CDK14: variants seen among roughly 807,000 people sequenced by gnomAD.
The protein encoded by CDK14 is cyclin-dependent kinase 14.
CDK14 carries 34 observed loss-of-function variants against 60.7 expected under a neutral mutation model. That is an observed-to-expected ratio of 0.56 (90% CI 0.43 to 0.75). The LOEUF (loss-of-function observed/expected upper bound fraction) is 0.75. Among genes scored for constraint, CDK14 ranks in the 30% least tolerant of loss-of-function variants. CDK14 has a pLI of 0.00. For missense variants in CDK14, 482 were observed against 564.1 expected, an observed-to-expected ratio of 0.85 and a Z score of 1.47; for synonymous variants, 197 against 203.7, an observed-to-expected ratio of 0.97 and a Z score of 0.28.
chr7:90,633,086 A>G (rs937535545), intron 2 of CDK14, among the ~76,000 whole-genome samples: 3 of 89,226 alleles, frequency 3.4e-5, no homozygotes, highest in Non-Finnish European at 6.4e-5. Flanking sequence ...ACAAAGCGAG[A>G]TTCTGTCTCA....
intron 5 of CDK14, among the ~76,000 whole-genome samples, chr7:90,803,343 A>G (rs1450503432): frequency 6.6e-6 from 1 of 152,180 alleles, no homozygotes; most frequent in East Asian, 1.9e-4. Context: ...TTAGAGAGAC[A>G]AAAAGGCACC....
chr7:90,988,065 A>T (rs989937175), intron 10 of CDK14, among the ~76,000 whole-genome samples: 1 of 152,152 alleles, frequency 6.6e-6, no homozygotes, highest in African/African-American at 2.4e-5. Flanking sequence ...GCTCCCACAC[A>T]CTGAGTCTTT....
intron 8 of CDK14, among the ~76,000 whole-genome samples, chr7:90,939,248 G>T (rs1357478012): frequency 1.3e-5 from 2 of 152,206 alleles, no homozygotes; most frequent in African/African-American, 4.8e-5. Context: ...GGACTGACAA[G>T]ATGGGAATAT....
intron 10 of CDK14, among the ~76,000 whole-genome samples, chr7:91,032,580 A>G (rs1056864788): frequency 4.6e-5 from 7 of 152,308 alleles, no homozygotes; most frequent in Non-Finnish European, 1.0e-4. Context: ...AAGCAGTGTG[A>G]AGAGGGAGGC....
chr7:90,769,557 C>G (rs757377828), intron 4 of CDK14, among the ~76,000 whole-genome samples: 23 of 151,586 alleles, frequency 1.5e-4, no homozygotes, highest in Non-Finnish European at 1.0e-4. Flanking sequence ...ACCTCCGCCT[C>G]CTGGGTTTAA....
intron 7 of CDK14, among the ~76,000 whole-genome samples, chr7:90,899,755 C>T (rs1413274776): frequency 6.6e-6 from 1 of 152,054 alleles, no homozygotes; most frequent in Non-Finnish European, 1.5e-5. Flanking sequence ...GTTCACAGTG[C>T]ATGTCTTTTT....
intron 14 of CDK14, among the ~76,000 whole-genome samples, chr7:91,145,509 C>T (rs1800598626): frequency 6.6e-6 from 1 of 152,204 alleles, no homozygotes; most frequent in African/African-American, 2.4e-5. Context: ...CCCTTCTCCC[C>T]TCCACCCCTT....
At chr7:91,058,366 G>A (rs1224112959) in intron 11 of CDK14, among the ~76,000 whole-genome samples, 22 of 151,100 alleles carry the variant, frequency 1.5e-4, no homozygotes, top group Non-Finnish European at 2.1e-4. Context: ...GGACAATTTG[G>A]CTTCCTCTTT....
In CDK14 at chr7:91,096,169, G is replaced by A. The variant is rs148334799; in HGVS notation, c.1155-16373G>A. 8.7e-5 allele frequency among the ~76,000 whole-genome samples: 13 copies of A among 149,580 alleles called. No individual in the cohort carries two copies. In the East Asian group the frequency reaches 1.0e-3, roughly 11 times the overall value. On this transcript the variant is annotated intron_variant, in intron 12 of 14. Coordinates refer to ENST00000380050, the MANE Select transcript of CDK14 (RefSeq NM_001287135.2). ...GATCCCACCTTCTGGTCTTCACACCGTTCTCTCTTCATCCCAGGATTGGTC... is the reference window on the plus strand; with the variant it reads ...GATCCCACCTTCTGGTCTTCACACCATTCTCTCTTCATCCCAGGATTGGTC...
chr7:91,187,205 G>A (rs1199250958), intron 14 of CDK14, among the ~76,000 whole-genome samples: 2 of 152,112 alleles, frequency 1.3e-5, no homozygotes, highest in Non-Finnish European at 2.9e-5. Context: ...TCTTTGTCAT[G>A]TGCCACAATC....
At chr7:91,004,172 T>G (rs1795917112) in intron 10 of CDK14, among the ~76,000 whole-genome samples, 1 of 152,104 alleles carries the variant, frequency 6.6e-6, no homozygotes, top group Non-Finnish European at 1.5e-5. Flanking sequence ...AGAAGAGATA[T>G]ATGAAATTGA....
chr7:90,671,413 T>C (rs1234090054), intron 2 of CDK14, among the ~76,000 whole-genome samples: 4 of 151,896 alleles, frequency 2.6e-5, no homozygotes, highest in Non-Finnish European at 2.9e-5. Flanking sequence ...ATTCAGAAAA[T>C]GTTAAGATGT....
At chr7:90,644,831 G>C (rs1301346209) in intron 2 of CDK14, among the ~76,000 whole-genome samples, 1 of 152,116 alleles carries the variant, frequency 6.6e-6, no homozygotes, top group Non-Finnish European at 1.5e-5. Context: ...TGATGAGCAT[G>C]CATGCTTATT....
chr7:90,962,773 C>T (rs144699698), intron 9 of CDK14, among the ~76,000 whole-genome samples: 3 of 152,258 alleles, frequency 2.0e-5, no homozygotes, highest in African/African-American at 7.2e-5. Context: ...ATCACAGAGA[C>T]TCAGTTTCAT....
intron 12 of CDK14, among the ~76,000 whole-genome samples, chr7:91,081,586 T>A (rs969233443): frequency 6.6e-6 from 1 of 152,162 alleles, no homozygotes; most frequent in African/African-American, 2.4e-5. Context: ...TTGAAGCTAG[T>A]GGAGATGTTA....
chr7:90,736,098 C>T (rs1046196209), intron 3 of CDK14, among the ~76,000 whole-genome samples: 2 of 150,862 alleles, frequency 1.3e-5, no homozygotes, highest in East Asian at 1.9e-4. Flanking sequence ...TTACCCCTTG[C>T]GCTTCCTGGG....
At chr7:90,810,453 G>A (rs919477089) in intron 5 of CDK14, among the ~76,000 whole-genome samples, 1 of 152,114 alleles carries the variant, frequency 6.6e-6, no homozygotes, top group Non-Finnish European at 1.5e-5. Flanking sequence ...AATAAATTAG[G>A]TATTGATGGG....
At position 90,958,885 on chromosome 7, in the gene CDK14, A is replaced by C. The variant is rs555051077; in HGVS notation, c.947+3068A>C. Reference sequence around the variant, plus strand: ...TGCTTGGTAGTTCAGTTAAGATTCTACCCTCAGAACATTTTTTACATACTA... The same window carrying C: ...TGCTTGGTAGTTCAGTTAAGATTCTCCCCTCAGAACATTTTTTACATACTA... On this transcript the variant is annotated intron_variant, in intron 9 of 14. Transcript: ENST00000380050. 3.1e-3 allele frequency among the ~76,000 whole-genome samples: 466 copies of C among 152,162 alleles called. 1 individual carries two copies. The highest frequency in any genetic ancestry group is 4.8e-3 in the Non-Finnish European group (327 of 67,982).
rs1175837011 is a variant in CDK14, at chr7:90,750,187, CA to C, written c.464+2413del. On this transcript the variant is annotated intron_variant, in intron 4 of 14. Coordinates refer to ENST00000380050, the MANE Select transcript of CDK14 (RefSeq NM_001287135.2). ...ACACACACACACACACACACACACA[CA>C]CACACACACACACCAATAATATTAC... is the stretch of plus-strand genomic sequence containing the variant. 2.4e-4 allele frequency among the ~76,000 whole-genome samples: 36 copies of C among 150,460 alleles called. 2 individuals are homozygous for C. The South Asian group carries it at 7.4e-3, about 31-fold the overall frequency.
Sources: gnomAD v4.1 joint callset for allele counts (sites outside exome capture counted in the v4.1 genomes callset) on GRCh38, gnomAD v4.1.1 for gene constraint, MANE v1.5 for transcripts, NCBI Gene and HGNC (gene_info 2026-07-23, HGNC 2026-07-21) for gene names.